The following EIF4ENIF1 variants were observed in gnomAD, a reference collection of about 807,000 sequenced individuals.
EIF4ENIF1 encodes the protein eukaryotic translation initiation factor 4E transporter.
In EIF4ENIF1, 23 loss-of-function variants were observed where a neutral mutation model predicts 110.5. The ratio of observed to expected loss-of-function variants is 0.21; its 90% confidence interval spans 0.15 to 0.29. The LOEUF is 0.29. Ranked by LOEUF, EIF4ENIF1 falls within the 10% of genes least tolerant of loss-of-function variation. The probability of loss-of-function intolerance (pLI) is 1.00; values close to 1 mark genes in which losing one functional copy is unlikely to be tolerated. For synonymous variants in EIF4ENIF1, 440 were observed against 437.0 expected (o/e 1.01, Z -0.09); for missense variants, 1,031 against 1,221.1 (o/e 0.84, Z 2.32).
At chr22:31,474,549 C>G (rs1184364879) in intron 2 of EIF4ENIF1, among the ~76,000 whole-genome samples, 1 of 150,776 alleles carries the variant, frequency 6.6e-6, no homozygotes, top group East Asian at 1.9e-4. Context: ...TTCATCCTGT[C>G]CCAGCCCTGG....
chr22:31,477,181 T>C (rs1228708055), intron 2 of EIF4ENIF1, among the ~76,000 whole-genome samples: 2 of 151,344 alleles, frequency 1.3e-5, no homozygotes, highest in Admixed American at 6.6e-5. Context: ...ATGGCCAACA[T>C]AGCAAAACCC....
chr22:31,469,735 C>G (rs2051299881), intron 3 of EIF4ENIF1, among the ~76,000 whole-genome samples: 1 of 152,158 alleles, frequency 6.6e-6, no homozygotes, highest in African/African-American at 2.4e-5. Flanking sequence ...TTCTGTCACC[C>G]AGGCTGGAAT....
chr22:31,440,240 T>G (rs2050249958), intron 18 of EIF4ENIF1, 119 bp from the exon 19 acceptor site: 3 of 1,423,950 alleles, frequency 2.1e-6, no homozygotes, highest in Non-Finnish European at 2.9e-6. Flanking sequence ...TAGGGCTTCT[T>G]TAGAAACTCC....
intron 2 of EIF4ENIF1, among the ~76,000 whole-genome samples, chr22:31,483,742 A>T (rs1376844858): frequency 6.6e-6 from 1 of 152,184 alleles, no homozygotes; most frequent in African/African-American, 2.4e-5. Flanking sequence ...CTTTCAGGTG[A>T]GACCCCACTC....
At chr22:31,456,293 G>A (rs1350831169) in intron 7 of EIF4ENIF1, among the ~76,000 whole-genome samples, 7 of 148,226 alleles carry the variant, frequency 4.7e-5, no homozygotes, top group African/African-American at 7.5e-5. Context: ...GCACGATCTC[G>A]GCTCACTGCA....
At chr22:31,448,023 A>G (rs2050529366) in intron 13 of EIF4ENIF1, 130 bp downstream of exon 13, 2 of 987,880 alleles carry the variant, frequency 2.0e-6, no homozygotes, top group Non-Finnish European at 3.1e-6. Context: ...TGCTGGGATT[A>G]CGGGCATGAG....
At position 31,443,065 on chromosome 22, in the gene EIF4ENIF1, C is replaced by T; in HGVS notation, c.2103G>A (p.Val701=). 1 of 1,614,136 alleles carries T rather than the reference C, an allele frequency of 6.2e-7. No individual in the cohort carries two copies. Among genetic ancestry groups the T allele is most frequent in the Non-Finnish European group, 8.5e-7 (1 of 1,180,026 alleles). ...MLSPSFTPTS[V]IRKMYESKEK... Reference sequence around the variant, plus strand: ...CTTTGCTCTCGTACATCTTACGAATCACTGAGGTAGGGGTAAAGGAAGGAG... The same window carrying T: ...CTTTGCTCTCGTACATCTTACGAATTACTGAGGTAGGGGTAAAGGAAGGAG... The change falls in exon 16 of 19, where the codon GTG becomes GTA. Residue 701 remains valine (V), a synonymous_variant. Coordinates refer to ENST00000330125, the MANE Select transcript of EIF4ENIF1 (RefSeq NM_019843.4).
upstream of EIF4ENIF1, among the ~76,000 whole-genome samples, chr22:31,492,325 A>G (rs1237396324): frequency 6.6e-6 from 1 of 152,248 alleles, no homozygotes; most frequent in Non-Finnish European, 1.5e-5. Context: ...AAAGGAACTT[A>G]GACTCCACCT....
chr22:31,438,345 ATAGT>A (rs1569056277), downstream of EIF4ENIF1, among the ~76,000 whole-genome samples: 1 of 152,208 alleles, frequency 6.6e-6, no homozygotes, highest in Non-Finnish European at 1.5e-5. Flanking sequence ...GTATATACTA[ATAGT>A]TAAGGTGAAT....
chr22:31,453,996 A>T, intron 10 of EIF4ENIF1, 148 bp downstream of exon 10: 1 of 676,140 alleles, frequency 1.5e-6, no homozygotes, highest in Non-Finnish European at 2.5e-6. Context: ...ATCAATAATT[A>T]AGGAACACAC....
chr22:31,448,001 C>CA (rs2050528477), intron 13 of EIF4ENIF1, 152 bp downstream of exon 13: 3 of 820,486 alleles, frequency 3.7e-6, no homozygotes, highest in Non-Finnish European at 5.9e-6. Context: ...CTCCTGCCTC[C>CA]ACCTCCCAAA....
chr22:31,444,420 T>C, intron 15 of EIF4ENIF1, 186 bp downstream of exon 15: 1 of 593,062 alleles, frequency 1.7e-6, no homozygotes, highest in Non-Finnish European at 3.0e-6. Context: ...GGGGCTTCAT[T>C]AAAATCCTAA....
intron 4 of EIF4ENIF1, among the ~76,000 whole-genome samples, chr22:31,466,798 T>C (rs1255132113): frequency 6.6e-6 from 1 of 152,178 alleles, no homozygotes; most frequent in African/African-American, 2.4e-5. Context: ...ATGTAAATTC[T>C]ATCTCAATAA....
At chr22:31,479,394 A>G (rs1467787588) in intron 2 of EIF4ENIF1, 1 of 151,748 alleles carries the variant, frequency 6.6e-6, no homozygotes, top group Non-Finnish European at 1.5e-5. Flanking sequence ...TAAATATGGA[A>G]CACTTCATGA....
chr22:31,444,454 G>A (rs2050398684), intron 15 of EIF4ENIF1, 152 bp downstream of exon 15: 2 of 720,770 alleles, frequency 2.8e-6, no homozygotes, highest in South Asian at 3.3e-5. Flanking sequence ...TCCTAAAAGG[G>A]AAAGACCTAA....
At chr22:31,460,036 G>A (rs967875019) in intron 6 of EIF4ENIF1, among the ~76,000 whole-genome samples, 10 of 152,134 alleles carry the variant, frequency 6.6e-5, no homozygotes, top group Admixed American at 2.0e-4. Flanking sequence ...GATCTTTATC[G>A]TTAAAGTGGT....
chr22:31,492,167 G>A (rs1398373528), upstream of EIF4ENIF1, among the ~76,000 whole-genome samples: 2 of 152,160 alleles, frequency 1.3e-5, no homozygotes. Context: ...ATCAGGGCTG[G>A]ATTCTAAGGG....
chr22:31,454,496 A>G, intron 9 of EIF4ENIF1, 120 bp from the exon 10 acceptor site: 1 of 825,556 alleles, frequency 1.2e-6, no homozygotes, highest in Non-Finnish European at 1.9e-6. Context: ...TGAGACTGTC[A>G]GAAAAGACTG....
rs764984602 is a variant in EIF4ENIF1 at position 31,441,966 on chromosome 22, C to T, written c.2359G>A (p.Ala787Thr). Residue 787 changes from alanine to threonine, a missense_variant, in exon 17 of 19, where the codon GCA becomes ACA. Ala to Thr is a moderately conservative substitution (Grantham distance 58). Coordinates refer to ENST00000330125, the MANE Select transcript of EIF4ENIF1 (RefSeq NM_019843.4). ...AAGGTGGGTGTTTTTCTCCCAGTTGCTTTAGGTCGATAATCTTGTTCTTTG... is the reference window on the plus strand; with the variant it reads ...AAGGTGGGTGTTTTTCTCCCAGTTGTTTTAGGTCGATAATCTTGTTCTTTG... ...YTKEQDYRPK[A>T]TGRKTPTLAS... 6.2e-7 allele frequency: 1 copy of T among 1,614,126 alleles called. No homozygotes were observed. Among genetic ancestry groups the T allele is most frequent in the East Asian group, 2.2e-5 (1 of 44,876 alleles).
Sources: allele counts gnomAD v4.1 joint callset (sites outside exome capture counted in the v4.1 genomes callset), GRCh38; gene constraint gnomAD v4.1.1; transcripts MANE v1.5; gene names NCBI Gene and HGNC (gene_info 2026-07-23, HGNC 2026-07-21).